CNTN4: variants seen among roughly 807,000 people sequenced by gnomAD.
CNTN4 encodes the protein contactin-4.
In CNTN4, 77 loss-of-function variants were observed where a neutral mutation model predicts 122.5. That is an observed-to-expected ratio of 0.63 (90% CI 0.52 to 0.76). CNTN4 has a LOEUF of 0.76. Ranked by LOEUF, CNTN4 falls within the 30% of genes least tolerant of loss-of-function variation. CNTN4 has a pLI of 0.00. For missense variants in CNTN4, 1,256 were observed against 1,259.1 expected (o/e 1.00, Z 0.04); for synonymous variants, 512 against 447.0 (o/e 1.15, Z -1.83).
intron 2 of CNTN4, among the ~76,000 whole-genome samples, chr3:2,153,729 A>G (rs1295971391): frequency 6.6e-6 from 1 of 152,134 alleles, no homozygotes; most frequent in Non-Finnish European, 1.5e-5. Flanking sequence ...TGACTGCTGT[A>G]TAGAGAATGG....
At chr3:2,423,510 G>C (rs1313467907) in intron 3 of CNTN4, among the ~76,000 whole-genome samples, 3 of 148,302 alleles carry the variant, frequency 2.0e-5, no homozygotes, top group Admixed American at 2.0e-4. Context: ...ATGTGCCTCT[G>C]TGGAATCCTT....
chr3:2,600,376 G>A (rs1175555107), intron 4 of CNTN4, among the ~76,000 whole-genome samples: 1 of 152,008 alleles, frequency 6.6e-6, no homozygotes, highest in Non-Finnish European at 1.5e-5. Flanking sequence ...ACAGGCCCCG[G>A]TGTGTGATGT....
intron 2 of CNTN4, among the ~76,000 whole-genome samples, chr3:2,290,847 A>G (rs932907333): frequency 2.6e-5 from 4 of 152,222 alleles, no homozygotes; most frequent in Non-Finnish European, 5.9e-5. Flanking sequence ...CCCTTTCAAC[A>G]GAAACTTCGG....
chr3:2,421,935 T>C (rs1156847100), intron 3 of CNTN4, among the ~76,000 whole-genome samples: 1 of 152,118 alleles, frequency 6.6e-6, no homozygotes, highest in Admixed American at 6.5e-5. Context: ...AATTTGTACT[T>C]TTCCCTTCCT....
intron 2 of CNTN4, among the ~76,000 whole-genome samples, chr3:2,327,951 C>T (rs1351433553): frequency 6.6e-6 from 1 of 152,184 alleles, no homozygotes; most frequent in Non-Finnish European, 1.5e-5. Context: ...TGAAGTAGGT[C>T]ATAAGACCCT....
chr3:2,892,078 A>C (rs1329356345), intron 10 of CNTN4: 1 of 152,262 alleles, frequency 6.6e-6, no homozygotes, highest in East Asian at 1.9e-4. Flanking sequence ...TGAGTCCCAA[A>C]GAGATTAAAG....
intron 13 of CNTN4, among the ~76,000 whole-genome samples, chr3:2,983,944 C>A (rs1559752765): frequency 6.6e-6 from 1 of 152,188 alleles, no homozygotes; most frequent in African/African-American, 2.4e-5. Context: ...CCCTCACTGT[C>A]TTTCTCTCAT....
chr3:2,679,154 A>T (rs2085031850), intron 4 of CNTN4, among the ~76,000 whole-genome samples: 1 of 152,140 alleles, frequency 6.6e-6, no homozygotes, highest in Admixed American at 6.5e-5. Context: ...CCTATCTGTC[A>T]AATGTTTCTT....
intron 4 of CNTN4, among the ~76,000 whole-genome samples, chr3:2,706,466 C>G (rs1451374809): frequency 2.0e-5 from 3 of 152,244 alleles, no homozygotes; most frequent in East Asian, 3.9e-4. Context: ...TAATTTGACT[C>G]TGAAGTCACA....
At chr3:2,203,559 G>A (rs2038202901) in intron 2 of CNTN4, among the ~76,000 whole-genome samples, 1 of 152,064 alleles carries the variant, frequency 6.6e-6, no homozygotes, top group South Asian at 2.1e-4. Context: ...AATGTCATGG[G>A]CCATGAGAAA....
rs2043127540 is a variant in CNTN4, at chr3:2,317,040, C to A, written c.-144-22138C>A. Among the ~76,000 whole-genome samples the A allele has an allele frequency of 2.0e-5, 3 of 152,178 alleles. No individual in the cohort carries two copies. The South Asian group carries it at 6.2e-4, about 31-fold the overall frequency. ...ACTATCACCATTCTAGTGGCCCCTG[C>A]CTTTAGGCACCATGTTTAAGCTCTC... On this transcript the variant is annotated intron_variant, in intron 2 of 24. Transcript: ENST00000418658.
intron 4 of CNTN4, among the ~76,000 whole-genome samples, chr3:2,666,961 G>C (rs1037605213): frequency 3.9e-5 from 6 of 151,936 alleles, no homozygotes; most frequent in African/African-American, 1.5e-4. Context: ...TGGTGTATAT[G>C]TGCCACATTT....
At chr3:2,651,851 C>T (rs2083376832) in intron 4 of CNTN4, among the ~76,000 whole-genome samples, 1 of 151,782 alleles carries the variant, frequency 6.6e-6, no homozygotes, top group South Asian at 2.1e-4. Flanking sequence ...TTACAGGCAC[C>T]TGCCACCACT....
intron 3 of CNTN4, among the ~76,000 whole-genome samples, chr3:2,453,089 T>G (rs908728187): frequency 6.6e-6 from 1 of 152,124 alleles, no homozygotes; most frequent in African/African-American, 2.4e-5. Flanking sequence ...AGATTTGATA[T>G]GTTTTGAAAA....
intron 2 of CNTN4, among the ~76,000 whole-genome samples, chr3:2,314,026 A>G (rs2043006327): frequency 1.3e-5 from 2 of 152,008 alleles, no homozygotes; most frequent in Non-Finnish European, 2.9e-5. Flanking sequence ...GTTTTATAAC[A>G]CCTTTTAAAA....
At chr3:2,970,492 A>C (rs1226769916) in intron 13 of CNTN4, among the ~76,000 whole-genome samples, 1 of 151,802 alleles carries the variant, frequency 6.6e-6, no homozygotes, top group African/African-American at 2.4e-5. Context: ...TGCCCATGCT[A>C]GAGTGGTGCA....
intron 13 of CNTN4, among the ~76,000 whole-genome samples, chr3:2,954,121 A>G (rs2094774689): frequency 6.6e-6 from 1 of 152,214 alleles, no homozygotes; most frequent in African/African-American, 2.4e-5. Flanking sequence ...AGATAATTGC[A>G]GCTTTGTAAA....
At chr3:2,678,857 G>T (rs1371060262) in intron 4 of CNTN4, among the ~76,000 whole-genome samples, 1 of 152,174 alleles carries the variant, frequency 6.6e-6, no homozygotes, top group East Asian at 1.9e-4. Context: ...GCCCTAGAAA[G>T]TCAACAGATG....
At chr3:2,706,556 T>C (rs1226767908) in intron 4 of CNTN4, among the ~76,000 whole-genome samples, 2 of 152,126 alleles carry the variant, frequency 1.3e-5, no homozygotes, top group Non-Finnish European at 2.9e-5. Context: ...CTTTATGTAA[T>C]ATTGGGGAGG....
Sources: gnomAD v4.1 joint callset for allele counts (sites outside exome capture counted in the v4.1 genomes callset) on GRCh38, gnomAD v4.1.1 for gene constraint, MANE v1.5 for transcripts, NCBI Gene and HGNC (gene_info 2026-07-23, HGNC 2026-07-21) for gene names.